Variants in MEF2A observed in about 807,000 individuals in gnomAD.
The protein encoded by MEF2A is myocyte-specific enhancer factor 2A.
MEF2A carries 28 observed loss-of-function variants against 55.8 expected under a neutral mutation model. The ratio of observed to expected loss-of-function variants is 0.50; its 90% CI spans 0.37 to 0.69. MEF2A has a LOEUF of 0.69. Among genes scored for constraint, MEF2A ranks in the 30% least tolerant of loss-of-function variants. MEF2A has a pLI of 0.00. For synonymous variants in MEF2A, 239 were observed against 227.1 expected, an observed-to-expected ratio of 1.05 and a Z score of -0.47; for missense variants, 528 against 626.2, an observed-to-expected ratio of 0.84 and a Z score of 1.67.
chr15:99,668,882 C>G (rs1027064765), intron 4 of MEF2A, among the ~76,000 whole-genome samples: 1 of 152,116 alleles, frequency 6.6e-6, no homozygotes, highest in Non-Finnish European at 1.5e-5. Context: ...CAAAACAACT[C>G]TTCATGGTTT....
chr15:99,640,559 CTTT>C (rs561916381), intron 3 of MEF2A, among the ~76,000 whole-genome samples: 3 of 133,920 alleles, frequency 2.2e-5, no homozygotes, highest in African/African-American at 2.7e-5. Flanking sequence ...TCTTTCTTTT[CTTT>C]TTTTTTTTTT....
rs1976427229 is a variant in MEF2A, at chr15:99,609,610, A to G, written c.-143+11099A>G. Among the ~76,000 whole-genome samples, 5 of 152,228 alleles carry G rather than the reference A, an allele frequency of 3.3e-5. No homozygotes were observed. The South Asian group carries it at 1.0e-3, about 31-fold the overall frequency. ...GAATACCTTAGTCATTTTCCATAAA[A>G]TAATAGCTTATGATAGTCTCAGGCT... is the stretch of plus-strand genomic sequence containing the variant. On this transcript the variant is annotated intron_variant, in intron 2 of 11. Transcript: ENST00000557942.
chr15:99,639,122 G>A (rs1050522443), intron 3 of MEF2A, among the ~76,000 whole-genome samples: 1 of 152,022 alleles, frequency 6.6e-6, no homozygotes, highest in African/African-American at 2.4e-5. Context: ...ATACTTCAAG[G>A]TTTGCTATAT....
At chr15:99,660,607 T>C (rs2048459600) in intron 4 of MEF2A, among the ~76,000 whole-genome samples, 1 of 152,188 alleles carries the variant, frequency 6.6e-6, no homozygotes, top group African/African-American at 2.4e-5. Context: ...ATAAGAAACA[T>C]CCTTCTTGGG....
intron 8 of MEF2A, among the ~76,000 whole-genome samples, chr15:99,697,317 A>G (rs982487638): frequency 6.6e-6 from 1 of 152,156 alleles, no homozygotes; most frequent in Non-Finnish European, 1.5e-5. Flanking sequence ...CATAGGAGAT[A>G]GATTCTTTCA....
chr15:99,675,488 A>G, intron 7 of MEF2A, 30 bp downstream of exon 7: 1 of 1,586,810 alleles, frequency 6.3e-7, no homozygotes, highest in Non-Finnish European at 8.7e-7. Flanking sequence ...TCTGTTTTGT[A>G]GGTATCTATC....
chr15:99,649,553 T>C (rs2046505522), intron 4 of MEF2A, among the ~76,000 whole-genome samples: 1 of 152,192 alleles, frequency 6.6e-6, no homozygotes, highest in South Asian at 2.1e-4. Flanking sequence ...TCCTATAAAA[T>C]GTAGTAATTT....
intron 4 of MEF2A, among the ~76,000 whole-genome samples, chr15:99,647,686 T>C (rs552577501): frequency 5.6e-4 from 85 of 152,302 alleles, no homozygotes; most frequent in African/African-American, 1.9e-3. Context: ...AGGAAAACTT[T>C]TGCGGCTCAA....
At chr15:99,621,027 TA>T (rs2041075604) in intron 2 of MEF2A, 1 of 152,052 alleles carries the variant, frequency 6.6e-6, no homozygotes, top group African/African-American at 2.4e-5. Context: ...ATATTTTTAG[TA>T]GAGATGGAGT....
chr15:99,692,382 TA>T (rs908043055), intron 8 of MEF2A, among the ~76,000 whole-genome samples: 11 of 152,282 alleles, frequency 7.2e-5, no homozygotes, highest in Admixed American at 5.2e-4. Context: ...GCCTCACAAT[TA>T]AAAAAACTTG....
intron 7 of MEF2A, among the ~76,000 whole-genome samples, chr15:99,680,990 T>A (rs756034867): frequency 2.6e-4 from 39 of 152,234 alleles, no homozygotes; most frequent in Non-Finnish European, 4.3e-4. Context: ...GGTAATTTGC[T>A]TATTTGTTTA....
intron 7 of MEF2A, among the ~76,000 whole-genome samples, chr15:99,680,309 C>A (rs2052992754): frequency 6.6e-6 from 1 of 152,078 alleles, no homozygotes; most frequent in African/African-American, 2.4e-5. Flanking sequence ...AAAGGTTGTT[C>A]ATCATTGGTA....
intron 2 of MEF2A, among the ~76,000 whole-genome samples, chr15:99,601,307 G>A (rs1042763680): frequency 2.0e-5 from 3 of 152,018 alleles, no homozygotes; most frequent in Non-Finnish European, 4.4e-5. Context: ...AATCATCTGT[G>A]TAGATCATTA....
intron 2 of MEF2A, among the ~76,000 whole-genome samples, chr15:99,620,064 A>T (rs974847350): frequency 6.6e-6 from 1 of 152,254 alleles, no homozygotes; most frequent in Non-Finnish European, 1.5e-5. Flanking sequence ...TTTTCGTACC[A>T]CGACAGTGGT....
intron 4 of MEF2A, among the ~76,000 whole-genome samples, chr15:99,667,200 T>G (rs977556678): frequency 6.6e-6 from 1 of 152,036 alleles, no homozygotes; most frequent in Non-Finnish European, 1.5e-5. Context: ...AATAGTTTTG[T>G]TTTTTGGTTT....
Position 99,713,125 on chromosome 15 carries a change from C to T in MEF2A, c.*354C>T. On this transcript the variant is annotated 3_prime_UTR_variant, in exon 12 of 12. Coordinates refer to ENST00000557942, the MANE Select transcript of MEF2A (RefSeq NM_001319206.4). ...TATATAATTCTCCCACACTAGCTTG[C>T]AGAAACCTAGAGGGCCCCCTACTTG... The T allele has an allele frequency of 2.3e-6, 1 of 429,938 alleles. No individual in the cohort carries two copies. The highest frequency in any genetic ancestry group is 4.1e-6 in the Non-Finnish European group (1 of 243,696). 26.6% of individuals were successfully genotyped at this position (429,938 alleles called of 1,614,324 possible).
chr15:99,588,525 C>T (rs554996413), intron 1 of MEF2A, among the ~76,000 whole-genome samples: 3 of 152,162 alleles, frequency 2.0e-5, no homozygotes, highest in East Asian at 1.9e-4. Context: ...AGGCTGGTCT[C>T]GAACTCCTGA....
chr15:99,602,723 TGTGTGTGG>T (rs1973684726), intron 2 of MEF2A, among the ~76,000 whole-genome samples: 25 of 35,086 alleles, frequency 7.1e-4, no homozygotes, highest in East Asian at 9.5e-4. Context: ...TTTTTGTGTG[TGTGTGTGG>T]GGGGGTGGGG....
At position 99,715,272 on chromosome 15, in the gene MEF2A, G is replaced by A. The variant is rs969166586; in HGVS notation, c.*2501G>A. The A allele has an allele frequency of 2.0e-5, 3 of 152,134 alleles. No individual in the cohort carries two copies. The highest frequency in any genetic ancestry group is 7.2e-5 in the African/African-American group (3 of 41,424). 9.4% of individuals were successfully genotyped at this position (152,134 alleles called of 1,614,324 possible). The stretch of plus-strand genomic sequence containing the variant: ...TGAACTTCTGCTGTACATTGGAATA[G>A]GAGTTAACACATTCACATTTACTGT... On this transcript the variant is annotated 3_prime_UTR_variant, in exon 12 of 12. Transcript: ENST00000557942.
Sources: allele counts gnomAD v4.1 joint callset (sites outside exome capture counted in the v4.1 genomes callset), GRCh38; gene constraint gnomAD v4.1.1; transcripts MANE v1.5; gene names NCBI Gene and HGNC (gene_info 2026-07-23, HGNC 2026-07-21).